SORBS2: variants seen among roughly 807,000 people sequenced by gnomAD.
SORBS2 encodes the protein sorbin and SH3 domain-containing protein 2.
A neutral mutation model predicts 97.7 loss-of-function variants in SORBS2; 46 were observed. That is an observed-to-expected ratio of 0.47 (90% CI 0.37 to 0.60). The LOEUF (loss-of-function observed/expected upper bound fraction) is 0.60, where lower values mean the gene tolerates loss of function less well. Ranked by LOEUF, SORBS2 falls within the 20% of genes least tolerant of loss-of-function variation. SORBS2 has a pLI of 0.00. For missense variants in SORBS2, 1,316 were observed against 1,282.3 expected, an observed-to-expected ratio of 1.03 and a Z score of -0.40; for synonymous variants, 476 against 473.4, an observed-to-expected ratio of 1.01 and a Z score of -0.07.
chr4:185,659,260 G>A (rs1290142000), upstream of SORBS2, among the ~76,000 whole-genome samples: 1 of 152,148 alleles, frequency 6.6e-6, no homozygotes, highest in Non-Finnish European at 1.5e-5. Flanking sequence ...TAAACGAACA[G>A]CATCATAGCC....
Position 185,651,844 on chromosome 4 carries a change from T to G in SORBS2, c.91+818A>C. 8.2e-7 allele frequency: 1 copy of G among 1,221,422 alleles called. No individual in the cohort carries two copies. Among genetic ancestry groups the G allele is most frequent in the South Asian group, 1.2e-5 (1 of 80,460 alleles). The allele number at this position is 1,221,422 out of a possible 1,614,324, so 75.7% of individuals were successfully genotyped here. On this transcript the variant is annotated intron_variant, in intron 2 of 14. Transcript: ENST00000418609. ...GTGTCATCATCTAGAAAATGAAACA[T>G]AAATATTATGGTAATATAGATTGTC...
intron 11 of SORBS2, chr4:185,614,581 C>G (rs570319677): frequency 4.5e-6 from 2 of 443,134 alleles, no homozygotes; most frequent in African/African-American, 2.0e-5. Flanking sequence ...GCCCCATGCC[C>G]GGCTTCCCAG....
intron 1 of SORBS2, among the ~76,000 whole-genome samples, chr4:185,840,745 C>T (rs1323627418): frequency 6.6e-6 from 1 of 152,194 alleles, no homozygotes; most frequent in African/African-American, 2.4e-5. Flanking sequence ...TTCATTCATT[C>T]AACCATTGCT....
At chr4:185,785,739 C>T (rs1239873524) in intron 1 of SORBS2, among the ~76,000 whole-genome samples, 2 of 152,208 alleles carry the variant, frequency 1.3e-5, no homozygotes, top group Non-Finnish European at 2.9e-5. Context: ...GCCCTCCCCA[C>T]GTGTTGGCTG....
At chr4:185,713,372 C>A (rs28384265) in intron 2 of SORBS2, among the ~76,000 whole-genome samples, 32,008 of 152,158 alleles carry the variant, frequency 0.21, 3,924 homozygotes, top group Non-Finnish European at 0.27. Context: ...AAAAGTTTTT[C>A]TGCAGAACAC....
chr4:185,816,711 A>G (rs2099193452), intron 1 of SORBS2, among the ~76,000 whole-genome samples: 1 of 152,258 alleles, frequency 6.6e-6, no homozygotes, highest in Non-Finnish European at 1.5e-5. Flanking sequence ...TTTATAAATC[A>G]GAGGTGCCCA....
chr4:185,717,542 T>TG (rs2098476164), intron 2 of SORBS2, among the ~76,000 whole-genome samples: 2 of 152,128 alleles, frequency 1.3e-5, no homozygotes, highest in South Asian at 2.1e-4. Context: ...CACATAGGCA[T>TG]GGGGGGTGGC....
At chr4:185,791,899 C>T (rs1412699244) in intron 1 of SORBS2, among the ~76,000 whole-genome samples, 1 of 152,068 alleles carries the variant, frequency 6.6e-6, no homozygotes, top group East Asian at 1.9e-4. Flanking sequence ...ATTCTTAATC[C>T]AGGGGTAAAA....
intron 1 of SORBS2, among the ~76,000 whole-genome samples, chr4:185,795,716 A>T (rs2099101610): frequency 6.6e-6 from 1 of 152,206 alleles, no homozygotes; most frequent in Non-Finnish European, 1.5e-5. Context: ...AAAATTACAT[A>T]GGTGGCTTCT....
intron 2 of SORBS2, among the ~76,000 whole-genome samples, chr4:185,699,945 A>T (rs2098236285): frequency 6.6e-6 from 1 of 152,226 alleles, no homozygotes; most frequent in African/African-American, 2.4e-5. Flanking sequence ...ATAGGTGAAT[A>T]AAAGGTACTC....
chr4:185,588,867 G>A (rs531664337), intron 14 of SORBS2, among the ~76,000 whole-genome samples: 49 of 152,094 alleles, frequency 3.2e-4, no homozygotes, highest in African/African-American at 8.4e-4. Context: ...CACCCGCCTC[G>A]GCCTCCCAAA....
chr4:185,615,195 G>A (rs1267143841), intron 9 of SORBS2, 36 bp from the exon 22 acceptor site: 9 of 1,222,078 alleles, frequency 7.4e-6, no homozygotes, highest in Admixed American at 6.7e-5. Context: ...TTTTTGTGAT[G>A]TACAGCAATA....
At chr4:185,742,305 T>C (rs1310470416) in intron 2 of SORBS2, among the ~76,000 whole-genome samples, 3 of 152,178 alleles carry the variant, frequency 2.0e-5, no homozygotes, top group Non-Finnish European at 4.4e-5. Context: ...CCCAGGAGCA[T>C]GACTGTGCAG....
intron 1 of SORBS2, among the ~76,000 whole-genome samples, chr4:185,874,034 T>G (rs1478990749): frequency 6.6e-6 from 1 of 152,206 alleles, no homozygotes; most frequent in Non-Finnish European, 1.5e-5. Flanking sequence ...CCTTTTATCC[T>G]GCAATTTCAC....
At chr4:185,823,095 A>G (rs985161762) in intron 1 of SORBS2, among the ~76,000 whole-genome samples, 5 of 152,276 alleles carry the variant, frequency 3.3e-5, no homozygotes, top group African/African-American at 1.2e-4. Flanking sequence ...AGGAATACGT[A>G]CTGACTCTTC....
Position 185,879,176 on chromosome 4 carries a change from C to CCA in SORBS2, c.-338+77019_-338+77020insTG, listed in dbSNP as rs1491475757. ...CCTAATGCTATCCCTCCCCCCCCCC[C>CCA]ACCCCACGACAGGCCCCGGTGTGTG... On this transcript the variant is annotated intron_variant, in intron 1 of 20. Transcript: ENST00000284776. Among the ~76,000 whole-genome samples, 105 of 85,268 alleles carry CCA rather than the reference C, an allele frequency of 1.2e-3. 7 individuals carry two copies. Among genetic ancestry groups the CCA allele is most frequent in the Middle Eastern group, 0.012 (2 of 162 alleles). 55.9% of individuals were successfully genotyped at this position (85,268 alleles called of 152,430 possible).
intron 4 of SORBS2, among the ~76,000 whole-genome samples, chr4:185,631,656 G>A (rs1211686402): frequency 2.6e-5 from 4 of 152,310 alleles, no homozygotes; most frequent in South Asian, 2.1e-4. Context: ...CAGCCACGCA[G>A]GAGGCTGAGG....
intron 4 of SORBS2, among the ~76,000 whole-genome samples, chr4:185,669,188 G>T (rs931828973): frequency 1.3e-5 from 2 of 152,178 alleles, no homozygotes; most frequent in Non-Finnish European, 2.9e-5. Context: ...GTATTGAGTT[G>T]GATGAAGGCA....
chr4:185,773,442 C>T (rs2098983218), intron 2 of SORBS2: 1 of 152,210 alleles, frequency 6.6e-6, no homozygotes, highest in Admixed American at 6.5e-5. Flanking sequence ...TACTATAAAT[C>T]CAAGTTCTGG....
Sources: allele counts gnomAD v4.1 joint callset (sites outside exome capture counted in the v4.1 genomes callset), GRCh38; gene constraint gnomAD v4.1.1; transcripts MANE v1.5; gene names NCBI Gene and HGNC (gene_info 2026-07-23, HGNC 2026-07-21).